RYR2: variants seen among roughly 807,000 people sequenced by gnomAD.
The protein encoded by RYR2 is ryanodine receptor 2.
In RYR2, 227 loss-of-function variants were observed where a neutral mutation model predicts 601.1. That is an observed-to-expected ratio of 0.38 (90% CI 0.34 to 0.42). RYR2 has a LOEUF of 0.42. Ranked by LOEUF, RYR2 falls within the 10% of genes least tolerant of loss-of-function variation. The probability of loss-of-function intolerance (pLI) is 1.00; values close to 1 mark genes in which losing one functional copy is unlikely to be tolerated. For synonymous variants in RYR2, 2,223 were observed against 2,175.1 expected (o/e 1.02, Z -0.61); for missense variants, 4,646 against 6,156.5 (o/e 0.75, Z 8.21).
chr1:237,657,616 G>A (rs1045899958), intron 53 of RYR2, among the ~76,000 whole-genome samples: 2 of 151,012 alleles, frequency 1.3e-5, no homozygotes, highest in Non-Finnish European at 3.0e-5. Flanking sequence ...TCTTTTTTGT[G>A]TAATCTATTG....
chr1:237,822,528 A>C (rs1180696642), intron 101 of RYR2, among the ~76,000 whole-genome samples: 2 of 152,224 alleles, frequency 1.3e-5, no homozygotes, highest in Non-Finnish European at 2.9e-5. Flanking sequence ...TCCTGAAGGA[A>C]GCATTAAACA....
At chr1:237,506,289 G>A (rs1429594893) in intron 22 of RYR2, among the ~76,000 whole-genome samples, 1 of 152,006 alleles carries the variant, frequency 6.6e-6, no homozygotes, top group African/African-American at 2.4e-5. Context: ...TGTAATCCCA[G>A]CACTTTGGGA....
chr1:237,417,710 A>G (rs1369817675), intron 11 of RYR2, among the ~76,000 whole-genome samples: 1 of 152,124 alleles, frequency 6.6e-6, no homozygotes, highest in Non-Finnish European at 1.5e-5. Context: ...TGAAACATAA[A>G]TGTATAAAGT....
chr1:237,520,031 A>G, intron 24 of RYR2, among the ~76,000 whole-genome samples: 1 of 152,168 alleles, frequency 6.6e-6, no homozygotes, highest in East Asian at 1.9e-4. Flanking sequence ...TAGGTATTTT[A>G]GGTATTTCAA....
chr1:237,827,023 T>A lies in RYR2; in HGVS notation c.14591-1358T>A, dbSNP rs75025337. On this transcript the variant is annotated intron_variant, in intron 101 of 104. Coordinates refer to ENST00000366574, the MANE Select transcript of RYR2 (RefSeq NM_001035.3). ...CTCTCAGAAAAGTCATGTTATCTTT[T>A]CCGCTTAACACATGTATCCTGGCTT... Among the ~76,000 whole-genome samples, 244 of 152,326 alleles carry A rather than the reference T, an allele frequency of 1.6e-3. 3 individuals are homozygous for A. In the East Asian group the frequency reaches 0.037, roughly 23 times the overall value.
At chr1:237,607,876 A>T (rs896469621) in intron 35 of RYR2, among the ~76,000 whole-genome samples, 2 of 152,216 alleles carry the variant, frequency 1.3e-5, no homozygotes, top group Non-Finnish European at 2.9e-5. Flanking sequence ...CAGTTTCTGC[A>T]TCTATAAAAT....
chr1:237,801,717 G>T, intron 97 of RYR2, 139 bp from the exon 98 acceptor site: 1 of 499,920 alleles, frequency 2.0e-6, no homozygotes, highest in East Asian at 2.9e-5. Flanking sequence ...CTCCTCCCTT[G>T]GCATCTGGGA....
At position 237,589,900 on chromosome 1, in the gene RYR2, T is replaced by C. The variant is rs1674960106; in HGVS notation, c.3706T>C (p.Tyr1236His). 6.2e-7 allele frequency: 1 copy of C among 1,613,854 alleles called. No homozygotes were observed. Among genetic ancestry groups the C allele is most frequent in the South Asian group, 1.1e-5 (1 of 91,090 alleles). The part of the protein sequence containing the change: ...YFTICGLQEG[Y>H]EPFAVNTNRD... ...CACCATCTGTGGCTTACAAGAGGGC[T>C]ATGAACCATTTGCCGTTAATACAAA... Residue 1236 changes from tyrosine to histidine, a missense_variant, in exon 30 of 105, where the codon TAT becomes CAT. Coordinates refer to ENST00000366574, the MANE Select transcript of RYR2 (RefSeq NM_001035.3).
Position 237,565,492 on chromosome 1 carries a change from G to A in RYR2, c.3215-1075G>A, listed in dbSNP as rs1427593640. Among the ~76,000 whole-genome samples, 5 of 151,910 alleles carry A rather than the reference G, an allele frequency of 3.3e-5. No homozygotes were observed. The South Asian group carries it at 8.3e-4, about 25-fold the overall frequency. Reference sequence around the variant, plus strand: ...TATGTTGCCCGGGCGCGATCCTCCCGCCTTGGCCTTCCAAAGTGTTGAGAC... The same window carrying A: ...TATGTTGCCCGGGCGCGATCCTCCCACCTTGGCCTTCCAAAGTGTTGAGAC... On this transcript the variant is annotated intron_variant, in intron 27 of 104. Transcript: ENST00000366574.
At position 237,579,021 on chromosome 1, in the gene RYR2, G is replaced by GA. The variant is rs68141759; in HGVS notation, c.3598+9711dup. On this transcript the variant is annotated intron_variant, in intron 29 of 104. Coordinates refer to ENST00000366574, the MANE Select transcript of RYR2 (RefSeq NM_001035.3). Reference sequence around the variant, plus strand: ...TGAGAATCAGATATCAGCTTAGAGGGAAAAAAAAAGAAACAAAACACAACT... The same window carrying GA: ...TGAGAATCAGATATCAGCTTAGAGGGAAAAAAAAAAGAAACAAAACACAACT... 2.5e-3 allele frequency among the ~76,000 whole-genome samples: 380 copies of GA among 151,772 alleles called. 3 individuals carry two copies. Among genetic ancestry groups the GA allele is most frequent in the African/African-American group, 8.8e-3 (362 of 41,308 alleles).
chr1:237,496,467 G>A (rs780854695), intron 19 of RYR2, 44 bp from the exon 20 acceptor site: 1 of 1,597,472 alleles, frequency 6.3e-7, no homozygotes, highest in Non-Finnish European at 8.6e-7. Flanking sequence ...ACAATGAAAG[G>A]TTTTTTTGGA....
At chr1:237,617,214 C>G (rs1459081242) in intron 37 of RYR2, 72 bp from the exon 38 acceptor site, 1 of 1,355,176 alleles carries the variant, frequency 7.4e-7, no homozygotes, top group African/African-American at 1.5e-5. Context: ...ATGTTTACCA[C>G]AGATTATGAT....
intron 1 of RYR2, among the ~76,000 whole-genome samples, chr1:237,080,164 A>T (rs1361984474): frequency 4.6e-3 from 66 of 14,404 alleles, no homozygotes; most frequent in Non-Finnish European, 7.7e-3. Flanking sequence ...TAAACCTAAA[A>T]CCATAAAAAC....
intron 29 of RYR2, among the ~76,000 whole-genome samples, chr1:237,578,427 T>C (rs1381527423): frequency 6.6e-6 from 1 of 152,188 alleles, no homozygotes; most frequent in African/African-American, 2.4e-5. Context: ...TCTGTATTTC[T>C]TTATCTTCTC....
intron 1 of RYR2, among the ~76,000 whole-genome samples, chr1:237,208,975 T>C (rs1682200564): frequency 9.6e-6 from 1 of 103,972 alleles, no homozygotes; most frequent in African/African-American, 3.4e-5. Flanking sequence ...TATATATATA[T>C]ATATATATAT....
chr1:237,526,992 A>G (rs1667657145), intron 24 of RYR2, among the ~76,000 whole-genome samples: 1 of 152,212 alleles, frequency 6.6e-6, no homozygotes, highest in Non-Finnish European at 1.5e-5. Context: ...GGTGAGAGAT[A>G]GAGGTGCAAT....
chr1:237,364,710 T>C (rs1700058535), intron 5 of RYR2, among the ~76,000 whole-genome samples: 1 of 152,180 alleles, frequency 6.6e-6, no homozygotes, highest in Non-Finnish European at 1.5e-5. Flanking sequence ...TGTAACATTA[T>C]ATTTAATTAG....
At chr1:237,287,136 C>T (rs1334965041) in intron 2 of RYR2, among the ~76,000 whole-genome samples, 1 of 152,128 alleles carries the variant, frequency 6.6e-6, no homozygotes, top group Non-Finnish European at 1.5e-5. Flanking sequence ...GAAGATACGG[C>T]CCCAGTCGCT....
intron 1 of RYR2, among the ~76,000 whole-genome samples, chr1:237,214,526 A>C (rs372718052): frequency 1.3e-5 from 2 of 152,148 alleles, no homozygotes; most frequent in South Asian, 2.1e-4. Flanking sequence ...CACAGGAATG[A>C]ATCCAGTGAG....
Sources: allele counts gnomAD v4.1 joint callset (sites outside exome capture counted in the v4.1 genomes callset), GRCh38; gene constraint gnomAD v4.1.1; transcripts MANE v1.5; gene names NCBI Gene and HGNC (gene_info 2026-07-23, HGNC 2026-07-21).